Variants in CCDC102B observed in about 807,000 individuals in gnomAD.
CCDC102B encodes coiled-coil domain-containing protein 102B.
Under a neutral mutation model 57.4 loss-of-function variants are expected in CCDC102B, and 75 were observed. The ratio of observed to expected loss-of-function variants is 1.31; its 90% confidence interval spans 1.08 to 1.58. The LOEUF (loss-of-function observed/expected upper bound fraction) is 1.58. CCDC102B is among the 40% of genes most tolerant of loss of function. The pLI, the probability that CCDC102B is intolerant of heterozygous loss-of-function variation, is 0.00. For missense variants in CCDC102B, 636 were observed against 582.6 expected, an observed-to-expected ratio of 1.09 and a Z score of -0.94; for synonymous variants, 206 against 201.9, an observed-to-expected ratio of 1.02 and a Z score of -0.17.
chr18:68,998,618 C>A (rs913099590), intron 6 of CCDC102B, among the ~76,000 whole-genome samples: 2 of 53,090 alleles, frequency 3.8e-5, no homozygotes, highest in Non-Finnish European at 5.4e-5. Context: ...AACAGTTCAG[C>A]TTTCAGTCTG....
intron 1 of CCDC102B, among the ~76,000 whole-genome samples, chr18:68,800,646 A>T (rs1039958989): frequency 1.3e-5 from 2 of 151,952 alleles, no homozygotes; most frequent in Non-Finnish European, 1.5e-5. Flanking sequence ...GCCAGGAATA[A>T]CACTGGGGAT....
chr18:68,819,862 G>T (rs12455686), intron 1 of CCDC102B, among the ~76,000 whole-genome samples: 27,872 of 151,914 alleles, frequency 0.18, 2,746 homozygotes, highest in Non-Finnish European at 0.23. Flanking sequence ...ATTACAATTT[G>T]ATATTTGATG....
At chr18:68,925,257 A>C (rs978621704) in intron 6 of CCDC102B, among the ~76,000 whole-genome samples, 1 of 152,014 alleles carries the variant, frequency 6.6e-6, no homozygotes, top group Non-Finnish European at 1.5e-5. Context: ...AGTTGGAGAG[A>C]TGATTCAGAA....
At chr18:68,801,868 G>A (rs1485535564) in intron 1 of CCDC102B, among the ~76,000 whole-genome samples, 2 of 152,046 alleles carry the variant, frequency 1.3e-5, no homozygotes, top group Non-Finnish European at 2.9e-5. Context: ...AAGGCATTAG[G>A]TGAAAGATTA....
chr18:68,941,279 T>C (rs1599724970), intron 6 of CCDC102B, among the ~76,000 whole-genome samples: 1 of 151,646 alleles, frequency 6.6e-6, no homozygotes, highest in African/African-American at 2.4e-5. Context: ...AAAAAACCCA[T>C]GTATTTTAGT....
chr18:68,811,101 A>G (rs1204176242), intron 1 of CCDC102B, among the ~76,000 whole-genome samples: 1 of 152,054 alleles, frequency 6.6e-6, no homozygotes, highest in East Asian at 1.9e-4. Flanking sequence ...TCTACCATTG[A>G]TGGGCATTTG....
chr18:68,881,461 A>G (rs537138983), intron 5 of CCDC102B, among the ~76,000 whole-genome samples: 1 of 152,338 alleles, frequency 6.6e-6, no homozygotes, highest in East Asian at 1.9e-4. Flanking sequence ...GGGTGCCCAG[A>G]CATTTGTCCA....
chr18:68,786,834 A>G (rs1426151091), intron 2 of CCDC102B, among the ~76,000 whole-genome samples: 1 of 151,902 alleles, frequency 6.6e-6, no homozygotes, highest in East Asian at 1.9e-4. Context: ...TCTCCTGCCT[A>G]ATTGCCCTGG....
rs141423630 is a variant in CCDC102B, at chr18:68,953,983, G to A, written c.1263+56555G>A. On this transcript the variant is annotated intron_variant, in intron 6 of 7. Coordinates refer to ENST00000360242, the MANE Select transcript of CCDC102B (RefSeq NM_024781.3). ...TGTCATTTTAGTGGAAACAAACAATGTCACTGGAGAGACCATGTTATGTTT... is the reference window on the plus strand; with the variant it reads ...TGTCATTTTAGTGGAAACAAACAATATCACTGGAGAGACCATGTTATGTTT... 2.6e-5 allele frequency among the ~76,000 whole-genome samples: 4 copies of A among 151,944 alleles called. No individual in the cohort carries two copies. In the East Asian group the frequency reaches 7.7e-4, roughly 29 times the overall value.
At chr18:69,025,038 T>C (rs1273961759) in intron 7 of CCDC102B, among the ~76,000 whole-genome samples, 1 of 152,076 alleles carries the variant, frequency 6.6e-6, no homozygotes, top group East Asian at 1.9e-4. Flanking sequence ...AAAATAAATA[T>C]AATCATGCTT....
chr18:68,790,651 G>A (rs1018978042), intron 2 of CCDC102B, among the ~76,000 whole-genome samples: 5 of 151,812 alleles, frequency 3.3e-5, no homozygotes, highest in Admixed American at 2.0e-4. Context: ...GACCCCTTGC[G>A]CTTCCCAAGT....
chr18:68,911,338 A>G (rs978512849), intron 6 of CCDC102B, among the ~76,000 whole-genome samples: 5 of 152,210 alleles, frequency 3.3e-5, no homozygotes, highest in Admixed American at 3.3e-4. Context: ...GCAGGAACAG[A>G]AAACCAAATA....
At chr18:68,959,081 C>T (rs2049980982) in intron 6 of CCDC102B, among the ~76,000 whole-genome samples, 1 of 152,086 alleles carries the variant, frequency 6.6e-6, no homozygotes, top group Non-Finnish European at 1.5e-5. Flanking sequence ...AGTGTGTGGG[C>T]ATTTAAGAGT....
intron 5 of CCDC102B, among the ~76,000 whole-genome samples, chr18:68,896,695 A>G (rs906961003): frequency 6.6e-6 from 1 of 151,910 alleles, no homozygotes; most frequent in Non-Finnish European, 1.5e-5. Context: ...TAAATTATAT[A>G]TATTTTTTCA....
At chr18:69,037,021 GTA>G (rs1194768716) in intron 7 of CCDC102B, among the ~76,000 whole-genome samples, 130 of 69,538 alleles carry the variant, frequency 1.9e-3, no homozygotes, top group East Asian at 8.9e-3. Context: ...GTGTGGGGGT[GTA>G]TATATACACA....
In CCDC102B at chr18:68,983,572, A is replaced by G. The variant is rs143987755; in HGVS notation, c.1264-27362A>G. On this transcript the variant is annotated intron_variant, in intron 6 of 7. Transcript: ENST00000360242. ...TTTTCCCTCAACTAGATATGAAACA[A>G]TGCAGTAACAATCCCCTATGTTCAT... Among the ~76,000 whole-genome samples, 418 of 152,124 alleles carry G rather than the reference A, an allele frequency of 2.7e-3. 1 individual carries two copies. Among genetic ancestry groups the G allele is most frequent in the African/African-American group, 9.6e-3 (398 of 41,550 alleles).
At chr18:68,717,999 T>G (rs1163421681) in intron 2 of CCDC102B, 1 of 152,324 alleles carries the variant, frequency 6.6e-6, no homozygotes, top group Non-Finnish European at 1.5e-5. Context: ...TCCTTCAACC[T>G]TAAGCCATGT....
intron 6 of CCDC102B, among the ~76,000 whole-genome samples, chr18:69,009,879 T>C (rs2051455141): frequency 6.7e-6 from 1 of 149,664 alleles, no homozygotes; most frequent in Non-Finnish European, 1.5e-5. Flanking sequence ...ATTATAACAT[T>C]ATGAAGAACC....
intron 3 of CCDC102B, among the ~76,000 whole-genome samples, chr18:68,844,788 A>G (rs2037785409): frequency 6.6e-6 from 1 of 151,900 alleles, no homozygotes; most frequent in Non-Finnish European, 1.5e-5. Flanking sequence ...TAGTAAAACA[A>G]AAATTATATC....
Sources: allele counts gnomAD v4.1 joint callset (sites outside exome capture counted in the v4.1 genomes callset), GRCh38; gene constraint gnomAD v4.1.1; transcripts MANE v1.5; gene names NCBI Gene and HGNC (gene_info 2026-07-23, HGNC 2026-07-21).